FNDC3A: variants seen among roughly 807,000 people sequenced by gnomAD.
FNDC3A encodes the protein fibronectin type-III domain-containing protein 3A.
In FNDC3A, 32 loss-of-function variants were observed where a neutral mutation model predicts 148.9. The ratio of observed to expected loss-of-function variants is 0.21; its 90% CI spans 0.16 to 0.29. The LOEUF is 0.29. Ranked by LOEUF, FNDC3A falls within the 10% of genes least tolerant of loss-of-function variation. The probability of loss-of-function intolerance (pLI) is 1.00; values close to 1 mark genes in which losing one functional copy is unlikely to be tolerated. For missense variants in FNDC3A, 1,191 were observed against 1,452.8 expected (o/e 0.82, Z 2.93); for synonymous variants, 472 against 473.6 (o/e 1.00, Z 0.04).
rs540846891 is a variant in FNDC3A, at chr13:49,016,645, T to G, written c.99+10356T>G. Among the ~76,000 whole-genome samples, 174 of 152,040 alleles carry G rather than the reference T, an allele frequency of 1.1e-3. 1 individual carries two copies. Among genetic ancestry groups the G allele is most frequent in the African/African-American group, 3.5e-3 (144 of 41,552 alleles). ...TAGTTATTTCTTGCCTTCTGCTAGC[T>G]TTTGAATGTGTTTGCTCTTGCTTTT... On this transcript the variant is annotated intron_variant, in intron 2 of 25. Transcript: ENST00000492622.
At chr13:49,201,430 T>C (rs1886413881) in intron 23 of FNDC3A, among the ~76,000 whole-genome samples, 1 of 152,152 alleles carries the variant, frequency 6.6e-6, no homozygotes, top group African/African-American at 2.4e-5. Context: ...TGACTTTAGT[T>C]AGAAATAATT....
chr13:49,139,860 A>G (rs2137950560), intron 7 of FNDC3A, among the ~76,000 whole-genome samples: 1 of 152,316 alleles, frequency 6.6e-6, no homozygotes, highest in Non-Finnish European at 1.5e-5. Context: ...AACTGAAGCA[A>G]CAGTGAGTTT....
At chr13:49,079,866 G>A (rs1878358441) in intron 3 of FNDC3A, among the ~76,000 whole-genome samples, 1 of 152,164 alleles carries the variant, frequency 6.6e-6, no homozygotes. Flanking sequence ...CCAGGCTGGA[G>A]TGTAGTAGCA....
chr13:49,094,798 GC>G (rs1322862459), intron 3 of FNDC3A, among the ~76,000 whole-genome samples: 12 of 152,038 alleles, frequency 7.9e-5, no homozygotes, highest in Admixed American at 6.6e-5. Flanking sequence ...TACAGGGTGA[GC>G]CTACTCTATT....
chr13:49,198,532 A>C lies in FNDC3A; in HGVS notation c.2945A>C (p.Asp982Ala), dbSNP rs1364848308. 1.2e-5 allele frequency: 19 copies of C among 1,614,186 alleles called. No individual in the cohort carries two copies. Among genetic ancestry groups the C allele is most frequent in the Non-Finnish European group, 1.4e-5 (17 of 1,180,010 alleles). Residue 982 changes from aspartate (D) to alanine (A), a missense_variant, in exon 23 of 26, where the codon GAT becomes GCT. Around this residue, in one of 3 missense-constraint regions of FNDC3A, gnomAD observed 751 missense variants for 944.0 expected, o/e 0.80. Transcript: ENST00000492622. ...GGAACTCCAAAGACATTGTCAACCG[A>C]TTCTATTCAGTACCACCTTCAGATG... ...GEGTPKTLST[D>A]SIQYHLQMED...
chr13:49,091,501 C>T (rs1228546998), intron 3 of FNDC3A, among the ~76,000 whole-genome samples: 1 of 152,218 alleles, frequency 6.6e-6, no homozygotes, highest in Non-Finnish European at 1.5e-5. Context: ...GCCATTTCTA[C>T]TTCCATGCAG....
chr13:49,141,017 A>T (rs1054777189), intron 7 of FNDC3A, among the ~76,000 whole-genome samples: 3 of 152,148 alleles, frequency 2.0e-5, no homozygotes, highest in Admixed American at 6.5e-5. Context: ...ACATTTGAGG[A>T]ACAACAAAAA....
At chr13:48,977,322 A>G (rs1305811426) in intron 1 of FNDC3A, among the ~76,000 whole-genome samples, 1 of 152,212 alleles carries the variant, frequency 6.6e-6, no homozygotes, top group African/African-American at 2.4e-5. Context: ...TATTGTAGGA[A>G]TGAAATAACA....
At chr13:48,989,219 G>A (rs1287738018) in intron 1 of FNDC3A, among the ~76,000 whole-genome samples, 2 of 152,108 alleles carry the variant, frequency 1.3e-5, no homozygotes, top group African/African-American at 4.8e-5. Context: ...GAGTCCCTTA[G>A]CCACATGTTA....
At chr13:49,049,706 C>CTTTTG (rs1555284132) in intron 2 of FNDC3A, among the ~76,000 whole-genome samples, 1 of 29,760 alleles carries the variant, frequency 3.4e-5, no homozygotes, top group African/African-American at 6.0e-5. Context: ...CTCTTCTCTT[C>CTTTTG]TTTTCTTTTC....
At chr13:49,027,256 C>T (rs912912405) in intron 2 of FNDC3A, among the ~76,000 whole-genome samples, 1 of 152,064 alleles carries the variant, frequency 6.6e-6, no homozygotes, top group Non-Finnish European at 1.5e-5. Context: ...ATTCTACAAC[C>T]CTTGGTTCTA....
At chr13:49,184,792 C>T (rs916317456) in intron 14 of FNDC3A, among the ~76,000 whole-genome samples, 3 of 152,128 alleles carry the variant, frequency 2.0e-5, no homozygotes, top group East Asian at 1.9e-4. Flanking sequence ...TCCCCCTGTG[C>T]GGTCCCAATG....
rs993056762 is a variant in FNDC3A at position 49,152,759 on chromosome 13, A to C, written c.977+6824A>C. ...GTTCAGTTCCCACCTATGAGTGAGA[A>C]TATGCGGTGTTTGGTTTTTTGTTCT... On this transcript the variant is annotated intron_variant, in intron 8 of 25. Transcript: ENST00000492622. Among the ~76,000 whole-genome samples, 452 of 150,882 alleles carry C rather than the reference A, an allele frequency of 3.0e-3. 4 individuals are homozygous for C. The highest frequency in any genetic ancestry group is 0.01 in the African/African-American group (426 of 41,026).
At chr13:49,145,711 A>G in intron 7 of FNDC3A, 67 bp from the exon 8 acceptor site, 3 of 1,254,464 alleles carry the variant, frequency 2.4e-6, no homozygotes, top group East Asian at 4.7e-5. Flanking sequence ...ACCTCATTAG[A>G]TATTTCACTG....
intron 2 of FNDC3A, among the ~76,000 whole-genome samples, chr13:49,037,622 T>C (rs1874592205): frequency 6.6e-6 from 1 of 152,220 alleles, no homozygotes; most frequent in South Asian, 2.1e-4. Context: ...ACCTTCAGTA[T>C]CTTCAGTACC....
At chr13:49,136,007 T>G (rs1461329628) in intron 5 of FNDC3A, among the ~76,000 whole-genome samples, 1 of 152,210 alleles carries the variant, frequency 6.6e-6, no homozygotes, top group Non-Finnish European at 1.5e-5. Context: ...AACTGTGGAC[T>G]GCTCAGCTCC....
At chr13:49,046,817 G>T (rs1593514555) in intron 2 of FNDC3A, 1 of 151,886 alleles carries the variant, frequency 6.6e-6, no homozygotes, top group African/African-American at 2.4e-5. Context: ...AAACCAAAAA[G>T]TATCTAAGGA....
At chr13:49,110,588 T>G (rs1880501334) in intron 3 of FNDC3A, among the ~76,000 whole-genome samples, 1 of 152,224 alleles carries the variant, frequency 6.6e-6, no homozygotes, top group African/African-American at 2.4e-5. Context: ...TGTAATTTTG[T>G]ATTCCACGGA....
chr13:49,141,687 T>G (rs1421538449), intron 7 of FNDC3A, among the ~76,000 whole-genome samples: 2 of 152,234 alleles, frequency 1.3e-5, no homozygotes, highest in Non-Finnish European at 2.9e-5. Context: ...ATATACTTAA[T>G]TTAACCCAAT....
Sources: allele counts gnomAD v4.1 joint callset (sites outside exome capture counted in the v4.1 genomes callset), GRCh38; gene constraint gnomAD v4.1.1; regional missense constraint gnomAD v4.1.1; transcripts MANE v1.5; gene names NCBI Gene and HGNC (gene_info 2026-07-23, HGNC 2026-07-21).